Variants in SLC44A5 observed in about 807,000 individuals in gnomAD.
The protein encoded by SLC44A5 is solute carrier family 44 member 5.
A neutral mutation model predicts 101.8 loss-of-function variants in SLC44A5; 57 were observed. The observed-to-expected ratio is 0.56, with a 90% CI of 0.45 to 0.70. The LOEUF is 0.70. Among genes scored for constraint, SLC44A5 ranks in the 30% least tolerant of loss-of-function variants. SLC44A5 has a pLI of 0.00. For synonymous variants in SLC44A5, 281 were observed against 290.9 expected, an observed-to-expected ratio of 0.97 and a Z score of 0.35; for missense variants, 737 against 853.1, an observed-to-expected ratio of 0.86 and a Z score of 1.70.
At chr1:75,692,711 A>G in the SLC44A5 span, among the ~76,000 whole-genome samples, 1 of 152,220 alleles carries the variant, frequency 6.6e-6, no homozygotes, top group African/African-American at 2.4e-5. Flanking sequence ...GGAATGGGAA[A>G]AACGAGAGAA....
At chr1:75,583,648 C>T (rs532711775) in intron 1 of SLC44A5, among the ~76,000 whole-genome samples, 4 of 152,286 alleles carry the variant, frequency 2.6e-5, no homozygotes, top group Middle Eastern at 6.8e-3. Flanking sequence ...TATGGAGAGT[C>T]ACATGTCAGT....
intron 5 of SLC44A5, among the ~76,000 whole-genome samples, chr1:75,297,021 C>G (rs1430505682): frequency 6.6e-6 from 1 of 152,092 alleles, no homozygotes; most frequent in Non-Finnish European, 1.5e-5. Context: ...AGCCTGTTGG[C>G]CAGGACTCCT....
chr1:75,235,962 CAT>C (rs1472362484), intron 11 of SLC44A5, among the ~76,000 whole-genome samples: 4 of 151,936 alleles, frequency 2.6e-5, no homozygotes, highest in African/African-American at 9.7e-5. Flanking sequence ...TAAACACACA[CAT>C]GTACACACAT....
At chr1:75,248,814 G>C (rs925296510) in intron 7 of SLC44A5, among the ~76,000 whole-genome samples, 6 of 152,070 alleles carry the variant, frequency 3.9e-5, no homozygotes, top group Admixed American at 3.3e-4. Flanking sequence ...TACCTTTATA[G>C]TCAGGTTTTG....
intron 2 of SLC44A5, among the ~76,000 whole-genome samples, chr1:75,427,137 A>G (rs1409613202): frequency 6.6e-6 from 1 of 152,160 alleles, no homozygotes; most frequent in Non-Finnish European, 1.5e-5. Flanking sequence ...GACTTGATGC[A>G]TGAGGCTTGC....
intron 6 of SLC44A5, among the ~76,000 whole-genome samples, chr1:75,263,983 G>T (rs900192897): frequency 1.3e-5 from 2 of 152,048 alleles, no homozygotes; most frequent in African/African-American, 2.4e-5. Flanking sequence ...CCTGTTGGGG[G>T]GTTGCGGCTT....
At chr1:75,436,793 TAAAA>T (rs949521340) in intron 2 of SLC44A5, among the ~76,000 whole-genome samples, 6 of 152,180 alleles carry the variant, frequency 3.9e-5, no homozygotes, top group Non-Finnish European at 8.8e-5. Flanking sequence ...TATACAGTTA[TAAAA>T]AAAGTCTGTT....
the SLC44A5 span, among the ~76,000 whole-genome samples, chr1:75,652,831 C>T: frequency 6.6e-6 from 1 of 152,068 alleles, no homozygotes; most frequent in African/African-American, 2.4e-5. Context: ...GTCCCACAAC[C>T]TTATTTTTCC....
intron 5 of SLC44A5, among the ~76,000 whole-genome samples, chr1:75,283,797 G>A (rs1247221682): frequency 1.3e-5 from 2 of 151,976 alleles, no homozygotes; most frequent in African/African-American, 4.8e-5. Flanking sequence ...TCGAAGATCA[G>A]TTGGCTGTAA....
At chr1:75,579,539 C>T (rs1273265175) in intron 1 of SLC44A5, among the ~76,000 whole-genome samples, 1 of 151,524 alleles carries the variant, frequency 6.6e-6, no homozygotes, top group Admixed American at 6.6e-5. Context: ...CTCTCATTCA[C>T]TTCCCTACAC....
chr1:75,482,327 G>A (rs934638839), intron 2 of SLC44A5, among the ~76,000 whole-genome samples: 3 of 152,074 alleles, frequency 2.0e-5, no homozygotes, highest in East Asian at 1.9e-4. Context: ...GCTAAATGAC[G>A]AGTTAATGGG....
At chr1:75,308,337 T>G (rs1014905053) in intron 4 of SLC44A5, among the ~76,000 whole-genome samples, 1 of 152,184 alleles carries the variant, frequency 6.6e-6, no homozygotes, top group African/African-American at 2.4e-5. Flanking sequence ...CTTGAGAGAA[T>G]AGCTTTAACT....
intron 2 of SLC44A5, among the ~76,000 whole-genome samples, chr1:75,425,743 C>T (rs1664272721): frequency 6.6e-6 from 1 of 152,076 alleles, no homozygotes; most frequent in East Asian, 1.9e-4. Context: ...TTGAACATGC[C>T]ATGCTATGGG....
At chr1:75,700,589 T>G in the SLC44A5 span, among the ~76,000 whole-genome samples, 1 of 151,970 alleles carries the variant, frequency 6.6e-6, no homozygotes, top group African/African-American at 2.4e-5. Context: ...ACATCACAAT[T>G]AAAAGAACTA....
chr1:75,701,667 C>A, the SLC44A5 span, among the ~76,000 whole-genome samples: 1 of 152,120 alleles, frequency 6.6e-6, no homozygotes, highest in Non-Finnish European at 1.5e-5. Context: ...GGCAATCAGG[C>A]AGGAGAAATA....
chr1:75,411,714 G>A (rs993849969), intron 2 of SLC44A5, among the ~76,000 whole-genome samples: 24 of 152,072 alleles, frequency 1.6e-4, no homozygotes, highest in African/African-American at 5.8e-4. Context: ...TGGTAATAGA[G>A]AGAAGGAGAG....
intron 2 of SLC44A5, among the ~76,000 whole-genome samples, chr1:75,410,927 G>C (rs188215216): frequency 6.6e-6 from 1 of 152,242 alleles, no homozygotes; most frequent in African/African-American, 2.4e-5. Context: ...CCCTTGAATA[G>C]TTTGCAGTCC....
At chr1:75,289,925 G>A (rs1653396219) in intron 5 of SLC44A5, among the ~76,000 whole-genome samples, 1 of 152,210 alleles carries the variant, frequency 6.6e-6, no homozygotes, top group Admixed American at 6.5e-5. Flanking sequence ...TACAAGGGTT[G>A]ACCTCTAAAT....
chr1:75,606,049 C>G (rs903414266), intron 1 of SLC44A5, among the ~76,000 whole-genome samples: 7 of 152,000 alleles, frequency 4.6e-5, no homozygotes, highest in Admixed American at 1.3e-4. Context: ...TCTCCAGACA[C>G]TGTAAAATTG....
Sources: gnomAD v4.1 joint callset for allele counts (sites outside exome capture counted in the v4.1 genomes callset) on GRCh38, gnomAD v4.1.1 for gene constraint, MANE v1.5 for transcripts, NCBI Gene and HGNC (gene_info 2026-07-23, HGNC 2026-07-21) for gene names.